Variants in TMEM232 observed in about 807,000 individuals in gnomAD.
TMEM232 encodes transmembrane protein 232.
TMEM232 carries 80 observed loss-of-function variants against 78.8 expected under a neutral mutation model. The ratio of observed to expected loss-of-function variants is 1.01; its 90% CI spans 0.85 to 1.22. The LOEUF (loss-of-function observed/expected upper bound fraction) is 1.22, where lower values mean the gene tolerates loss of function less well. TMEM232 is among the 50% of genes most tolerant of loss of function. TMEM232 has a pLI of 0.00. For synonymous variants in TMEM232, 297 were observed against 254.3 expected, an observed-to-expected ratio of 1.17 and a Z score of -1.60; for missense variants, 881 against 742.2, an observed-to-expected ratio of 1.19 and a Z score of -2.17.
intron 10 of TMEM232, among the ~76,000 whole-genome samples, chr5:110,580,511 T>C (rs1247869581): frequency 6.6e-6 from 1 of 151,770 alleles, no homozygotes; most frequent in Non-Finnish European, 1.5e-5. Context: ...TAATGATGCA[T>C]TTTTAAGAAC....
At chr5:110,587,852 T>C (rs924043299) in intron 10 of TMEM232, among the ~76,000 whole-genome samples, 6 of 150,968 alleles carry the variant, frequency 4.0e-5, no homozygotes, top group East Asian at 1.9e-4. Flanking sequence ...AACTTCTGTA[T>C]ATGTATATAA....
intron 11 of TMEM232, among the ~76,000 whole-genome samples, chr5:110,539,576 G>A (rs896515595): frequency 7.2e-5 from 11 of 152,098 alleles, no homozygotes; most frequent in Non-Finnish European, 7.4e-5. Flanking sequence ...TAATACCGGA[G>A]GAAAACAACA....
intron 2 of TMEM232, among the ~76,000 whole-genome samples, chr5:110,663,022 C>T (rs1790018124): frequency 6.6e-6 from 1 of 151,938 alleles, no homozygotes; most frequent in African/African-American, 2.4e-5. Flanking sequence ...TATACATATC[C>T]TCTGACCCAG....
intron 10 of TMEM232, among the ~76,000 whole-genome samples, chr5:110,584,387 T>C (rs1344733865): frequency 6.6e-6 from 1 of 151,942 alleles, no homozygotes; most frequent in Admixed American, 6.6e-5. Context: ...GCTAAGTGAA[T>C]TAAGCCAATC....
intron 1 of TMEM232, among the ~76,000 whole-genome samples, chr5:110,677,772 A>G (rs1792203134): frequency 6.6e-6 from 1 of 152,190 alleles, no homozygotes; most frequent in Non-Finnish European, 1.5e-5. Flanking sequence ...TGTTAGGCAA[A>G]AAATTTAACA....
rs543391686 is a variant in TMEM232 at position 110,656,583 on chromosome 5, T to C, written c.125+10645A>G. Among the ~76,000 whole-genome samples, 5 of 152,296 alleles carry C rather than the reference T, an allele frequency of 3.3e-5. No homozygotes were observed. In the South Asian group the frequency reaches 8.3e-4, roughly 25 times the overall value. On this transcript the variant is annotated intron_variant, in intron 2 of 13. Coordinates refer to ENST00000455884, the MANE Select transcript of TMEM232 (RefSeq NM_001039763.4). ...GGCCAGGCACAGTGGCTCACGCCTA[T>C]AATCCCAGCACTTTGGGAGGCTGAG...
At chr5:110,581,775 C>T (rs968336560) in intron 10 of TMEM232, among the ~76,000 whole-genome samples, 5 of 151,242 alleles carry the variant, frequency 3.3e-5, no homozygotes, top group Non-Finnish European at 7.4e-5. Context: ...CAACAAAGGT[C>T]TGATGAATCT....
chr5:110,618,677 C>T, intron 7 of TMEM232, 115 bp from the exon 8 acceptor site: 1 of 1,080,706 alleles, frequency 9.3e-7, no homozygotes, highest in Non-Finnish European at 1.3e-6. Flanking sequence ...AATGCATATT[C>T]TCTTACACTT....
Position 110,409,489 on chromosome 5 carries a change from A to G in TMEM232, n.309-11635T>C, listed in dbSNP as rs116173625. 2.3e-3 allele frequency among the ~76,000 whole-genome samples: 357 copies of G among 152,326 alleles called. 7 individuals carry two copies. The highest frequency in any genetic ancestry group is 8.2e-3 in the African/African-American group (341 of 41,572). On this transcript the variant is annotated intron_variant and non_coding_transcript_variant, in intron 2 of 8. Transcript: ENST00000507188. ...CTCAATTTTAAGATGCTAAATTTATAATGAATGTGATTCTTAGAAGCATTG... is the reference window on the plus strand; with the variant it reads ...CTCAATTTTAAGATGCTAAATTTATGATGAATGTGATTCTTAGAAGCATTG...
chr5:110,436,961 A>G (rs902053873), intron 12 of TMEM232, among the ~76,000 whole-genome samples: 44 of 152,112 alleles, frequency 2.9e-4, no homozygotes, highest in African/African-American at 9.9e-4. Context: ...TATAAACTTT[A>G]GAATTTTTTT....
chr5:110,546,174 T>A (rs959348143), intron 11 of TMEM232, among the ~76,000 whole-genome samples: 3 of 151,954 alleles, frequency 2.0e-5, no homozygotes, highest in Admixed American at 2.0e-4. Context: ...ACAAATATAA[T>A]AAGAGTTACA....
intron 1 of TMEM232, among the ~76,000 whole-genome samples, chr5:110,713,302 T>A (rs140620613): frequency 0.012 from 1,841 of 152,144 alleles, 46 homozygotes; most frequent in African/African-American, 0.042. Flanking sequence ...TGCAAAATAT[T>A]TATATATAAA....
intron 1 of TMEM232, among the ~76,000 whole-genome samples, chr5:110,669,499 A>G (rs1255997127): frequency 6.6e-6 from 1 of 152,160 alleles, no homozygotes; most frequent in African/African-American, 2.4e-5. Context: ...TAGCTCACCA[A>G]CCAAAAAAAA....
At chr5:110,622,860 G>A (rs902505038) in intron 7 of TMEM232, among the ~76,000 whole-genome samples, 1 of 139,784 alleles carries the variant, frequency 7.2e-6, no homozygotes, top group Non-Finnish European at 1.6e-5. Context: ...GGGGAGGGGG[G>A]AGGGATAGCA....
chr5:110,694,883 G>C (rs1794583843), intron 1 of TMEM232, among the ~76,000 whole-genome samples: 1 of 152,084 alleles, frequency 6.6e-6, no homozygotes, highest in African/African-American at 2.4e-5. Flanking sequence ...GTCAACATTA[G>C]ACAGATCAAA....
chr5:110,703,289 G>T (rs1294775183), intron 1 of TMEM232, among the ~76,000 whole-genome samples: 2 of 127,180 alleles, frequency 1.6e-5, no homozygotes, highest in Non-Finnish European at 3.6e-5. Context: ...TGTAATTTAT[G>T]GTATGGACCC....
At chr5:110,677,321 A>AT (rs542249453) in intron 1 of TMEM232, among the ~76,000 whole-genome samples, 49 of 150,896 alleles carry the variant, frequency 3.2e-4, no homozygotes, top group African/African-American at 1.1e-3. Context: ...GTGTGCAAAT[A>AT]TTTTTTTTCC....
rs542747548 is a variant in TMEM232 at position 110,490,114 on chromosome 5, C to T, written c.1703+38474G>A. On this transcript the variant is annotated intron_variant, in intron 12 of 13. Coordinates refer to ENST00000455884, the MANE Select transcript of TMEM232 (RefSeq NM_001039763.4). ...ACTCCAGCCTGACTGAGTGAAACTC[C>T]GTTTCAAAAAGAAAGAAAGAAAGAA... 9.5e-4 allele frequency among the ~76,000 whole-genome samples: 100 copies of T among 105,266 alleles called. 1 individual carries two copies. Among genetic ancestry groups the T allele is most frequent in the Non-Finnish European group, 1.6e-3 (78 of 49,158 alleles). 69.1% of individuals were successfully genotyped at this position (105,266 alleles called of 152,430 possible).
intron 12 of TMEM232, among the ~76,000 whole-genome samples, chr5:110,481,708 G>C (rs1050823180): frequency 3.3e-5 from 5 of 152,190 alleles, no homozygotes; most frequent in South Asian, 2.1e-4. Flanking sequence ...AAAGCACTTA[G>C]AGCTAGTGTT....
Sources: allele counts gnomAD v4.1 joint callset (sites outside exome capture counted in the v4.1 genomes callset), GRCh38; gene constraint gnomAD v4.1.1; transcripts MANE v1.5; gene names NCBI Gene and HGNC (gene_info 2026-07-23, HGNC 2026-07-21).